The following PRUNE2 variants were observed in gnomAD, a reference collection of about 807,000 sequenced individuals.
PRUNE2 encodes the protein protein prune homolog 2.
Under a neutral mutation model 252.0 loss-of-function variants are expected in PRUNE2, and 164 were observed. The ratio of observed to expected loss-of-function variants is 0.65; its 90% CI spans 0.57 to 0.74. PRUNE2 has a LOEUF of 0.74. Among genes scored for constraint, PRUNE2 ranks in the 30% least tolerant of loss-of-function variants. The pLI is 0.00. For synonymous variants in PRUNE2, 1,292 were observed against 1,350.2 expected, an observed-to-expected ratio of 0.96 and a Z score of 0.94; for missense variants, 3,495 against 3,711.0, an observed-to-expected ratio of 0.94 and a Z score of 1.51.
At chr9:76,667,633 T>C (rs2040453767) in intron 9 of PRUNE2, among the ~76,000 whole-genome samples, 1 of 152,222 alleles carries the variant, frequency 6.6e-6, no homozygotes, top group Non-Finnish European at 1.5e-5. Context: ...TTGGACAAGC[T>C]GGCACCAGAA....
At chr9:76,899,521 G>A (rs561838158) in intron 1 of PRUNE2, among the ~76,000 whole-genome samples, 9 of 151,998 alleles carry the variant, frequency 5.9e-5, no homozygotes, top group Admixed American at 1.3e-4. Flanking sequence ...CTGGCCCTCC[G>A]TTTATTTATT....
intron 1 of PRUNE2, among the ~76,000 whole-genome samples, chr9:76,855,079 A>AT (rs1347960276): frequency 1.0e-4 from 14 of 137,980 alleles, no homozygotes; most frequent in East Asian, 6.4e-4. Context: ...AAAAAAAAAA[A>AT]AAAATATATA....
chr9:76,652,794 A>C (rs1847934560), intron 10 of PRUNE2, 111 bp from the exon 11 acceptor site: 1 of 724,014 alleles, frequency 1.4e-6, no homozygotes, highest in Non-Finnish European at 2.4e-6. Context: ...GAGTGCCAAC[A>C]TGACGTGTCA....
At position 76,825,387 on chromosome 9, in the gene PRUNE2, A is replaced by G. The variant is rs968286177; in HGVS notation, c.661+1193T>C. Reference sequence around the variant, plus strand: ...TGGGACAGAGTTTACACTCTTTCTCATGGTCTCTGGTGGGATTAAGCTCTG... The same window carrying G: ...TGGGACAGAGTTTACACTCTTTCTCGTGGTCTCTGGTGGGATTAAGCTCTG... On this transcript the variant is annotated intron_variant, in intron 5 of 18. Coordinates refer to ENST00000376718, the MANE Select transcript of PRUNE2 (RefSeq NM_015225.3). Among the ~76,000 whole-genome samples, 3 of 152,250 alleles carry G rather than the reference A, an allele frequency of 2.0e-5. No homozygotes were observed. In the South Asian group the frequency reaches 6.2e-4, roughly 32 times the overall value.
At chr9:76,649,424 A>C (rs1846280568) in intron 11 of PRUNE2, among the ~76,000 whole-genome samples, 1 of 152,182 alleles carries the variant, frequency 6.6e-6, no homozygotes, top group South Asian at 2.1e-4. Context: ...ATCTCTACAA[A>C]AAAATATACC....
intron 1 of PRUNE2, among the ~76,000 whole-genome samples, chr9:76,902,386 T>C (rs1237151453): frequency 2.0e-5 from 3 of 152,138 alleles, no homozygotes; most frequent in African/African-American, 4.8e-5. Flanking sequence ...ATCTGGAATA[T>C]AGGATTTGAT....
intron 6 of PRUNE2, among the ~76,000 whole-genome samples, chr9:76,791,909 G>C (rs1490305278): frequency 6.6e-6 from 1 of 152,178 alleles, no homozygotes; most frequent in African/African-American, 2.4e-5. Flanking sequence ...GATGCTGGTA[G>C]GACCTGAGAA....
chr9:76,716,413 C>T (rs1350767334), intron 6 of PRUNE2, among the ~76,000 whole-genome samples: 2 of 152,210 alleles, frequency 1.3e-5, no homozygotes, highest in African/African-American at 4.8e-5. Flanking sequence ...AAAAGCACTA[C>T]TCCAGAGAGG....
At position 76,707,190 on chromosome 9, in the gene PRUNE2, TCA is replaced by T. The variant is rs1318101583; in HGVS notation, c.5082_5083del (p.Glu1695ArgfsTer16). The stretch of plus-strand genomic sequence containing the variant: ...CTGGATCTCTTCCTCTATTGACTCT[TCA>T]CCACCGACACTGTCATCATCAGAAC... On this transcript the variant is annotated frameshift_variant, in exon 8 of 19. Coordinates refer to ENST00000376718, the MANE Select transcript of PRUNE2 (RefSeq NM_015225.3). LOFTEE classifies it high-confidence loss of function. The T allele has an allele frequency of 1.9e-6, 3 of 1,614,000 alleles. No individual in the cohort carries two copies. The highest frequency in any genetic ancestry group is 1.7e-5 in the Admixed American group (1 of 60,014).
intron 6 of PRUNE2, among the ~76,000 whole-genome samples, chr9:76,780,607 C>T (rs866310062): frequency 6.6e-6 from 1 of 152,108 alleles, no homozygotes; most frequent in South Asian, 2.1e-4. Flanking sequence ...AGGAGAATGG[C>T]GTGAACCCAG....
intron 6 of PRUNE2, among the ~76,000 whole-genome samples, chr9:76,755,423 T>C (rs545425861): frequency 2.7e-5 from 4 of 150,274 alleles, no homozygotes; most frequent in South Asian, 2.1e-4. Context: ...GTGAACACCA[T>C]GTGCCACTCT....
intron 6 of PRUNE2, among the ~76,000 whole-genome samples, chr9:76,794,247 C>T (rs1318237883): frequency 2.0e-5 from 3 of 152,128 alleles, no homozygotes; most frequent in Admixed American, 6.5e-5. Flanking sequence ...TGGCAAATGG[C>T]GGAACCAGGA....
intron 6 of PRUNE2, among the ~76,000 whole-genome samples, chr9:76,716,822 C>T (rs949390742): frequency 2.0e-5 from 3 of 151,954 alleles, no homozygotes; most frequent in African/African-American, 7.3e-5. Flanking sequence ...CCCCCAACCC[C>T]CCAACAGGCC....
intron 1 of PRUNE2, among the ~76,000 whole-genome samples, chr9:76,889,963 G>A (rs1431215955): frequency 1.3e-5 from 2 of 152,186 alleles, no homozygotes; most frequent in African/African-American, 4.8e-5. Context: ...GCCTTTCAGC[G>A]AGATTCCCAG....
At chr9:76,753,542 T>C (rs1407267133) in intron 6 of PRUNE2, among the ~76,000 whole-genome samples, 1 of 152,138 alleles carries the variant, frequency 6.6e-6, no homozygotes, top group East Asian at 1.9e-4. Context: ...TTACAACACC[T>C]GAGGGTGCAT....
chr9:76,707,219 T>C lies in PRUNE2; in HGVS notation c.5055A>G (p.Ser1685=), dbSNP rs7871266. The change falls in exon 8 of 19, where the codon TCA becomes TCG. Residue 1685 remains serine (S), a synonymous_variant. Coordinates refer to ENST00000376718, the MANE Select transcript of PRUNE2 (RefSeq NM_015225.3). ...PEDARVISTS[S]GSDDDSVGGE... ...CACCGACACTGTCATCATCAGAACC[T>C]GAGCTTGTTGAAATGACCCTGGCAT... The C allele has an allele frequency of 1.2e-3, 1,971 of 1,614,002 alleles. 24 individuals carry two copies. In the African/African-American group the frequency reaches 0.024, roughly 20 times the overall value.
intron 9 of PRUNE2, among the ~76,000 whole-genome samples, chr9:76,673,584 A>G (rs1227801121): frequency 6.9e-6 from 1 of 145,502 alleles, no homozygotes; most frequent in Non-Finnish European, 1.5e-5. Flanking sequence ...TACCAAAGCC[A>G]GGCAGAGACA....
rs377475148 is a variant in PRUNE2, at chr9:76,614,460, C to A, written c.*110G>T. ...TTCCCCTTAGAAATTTAGAATGGCA[C>A]CAGGTAGTGCAAAGTGGAAAAAGGT... On this transcript the variant is annotated 3_prime_UTR_variant, in exon 19 of 19. Transcript: ENST00000376718. 13 of 844,890 alleles carry A rather than the reference C, an allele frequency of 1.5e-5. No individual in the cohort carries two copies. The South Asian group carries it at 2.0e-4, about 13-fold the overall frequency. The allele number at this position is 844,890 out of a possible 1,614,324, so 52.3% of individuals were successfully genotyped here.
intron 18 of PRUNE2, 27 bp from the exon 19 acceptor site, chr9:76,614,627 A>C (rs777092371): frequency 1.9e-6 from 3 of 1,588,032 alleles, no homozygotes; most frequent in South Asian, 1.1e-5. Context: ...AAGAGAGAGA[A>C]ACATGAGAAA....
Sources: gnomAD v4.1 joint callset for allele counts (sites outside exome capture counted in the v4.1 genomes callset) on GRCh38, gnomAD v4.1.1 for gene constraint, MANE v1.5 for transcripts, NCBI Gene and HGNC (gene_info 2026-07-23, HGNC 2026-07-21) for gene names.